CSMD1: variants seen among roughly 807,000 people sequenced by gnomAD.
The protein encoded by CSMD1 is CUB and sushi domain-containing protein 1.
In CSMD1, 213 loss-of-function variants were observed where a neutral mutation model predicts 417.5. The ratio of observed to expected loss-of-function variants is 0.51; its 90% CI spans 0.46 to 0.57. The LOEUF (loss-of-function observed/expected upper bound fraction) is 0.57. Among genes scored for constraint, CSMD1 ranks in the 20% least tolerant of loss-of-function variants. The pLI is 0.00. For synonymous variants in CSMD1, 2,862 were observed against 1,736.8 expected (o/e 1.65, Z -16.11); for missense variants, 6,923 against 4,529.7 (o/e 1.53, Z -15.17).
chr8:3,991,216 A>G (rs1452185042), intron 5 of CSMD1, among the ~76,000 whole-genome samples: 2 of 152,238 alleles, frequency 1.3e-5, no homozygotes, highest in Admixed American at 1.3e-4. Context: ...GGCATGTGAA[A>G]GAAAGCCACC....
At chr8:3,105,974 G>C (rs10503191) in intron 46 of CSMD1, among the ~76,000 whole-genome samples, 2,608 of 152,302 alleles carry the variant, frequency 0.017, 33 homozygotes, top group East Asian at 0.043. Context: ...ATTGCTGTGA[G>C]AAACATGATT....
At chr8:3,440,805 T>C (rs751544166) in intron 12 of CSMD1, among the ~76,000 whole-genome samples, 4 of 152,186 alleles carry the variant, frequency 2.6e-5, no homozygotes, top group Non-Finnish European at 5.9e-5. Context: ...TTGTAAGTGC[T>C]CTTTATCACA....
At chr8:4,916,091 G>C (rs906554911) in intron 1 of CSMD1, among the ~76,000 whole-genome samples, 21 of 152,232 alleles carry the variant, frequency 1.4e-4, no homozygotes, top group African/African-American at 4.3e-4. Flanking sequence ...TCATATGCCA[G>C]AAAGACAGGT....
chr8:4,150,031 C>T (rs572638392), intron 3 of CSMD1, among the ~76,000 whole-genome samples: 2 of 152,238 alleles, frequency 1.3e-5, no homozygotes, highest in Non-Finnish European at 2.9e-5. Context: ...CTCAACGCTG[C>T]ACGTAAAAGG....
chr8:4,773,948 C>T (rs528249499), intron 1 of CSMD1, among the ~76,000 whole-genome samples: 1 of 152,322 alleles, frequency 6.6e-6, no homozygotes, highest in South Asian at 2.1e-4. Context: ...GAAATCTCAG[C>T]ACTTTTTGAG....
intron 1 of CSMD1, among the ~76,000 whole-genome samples, chr8:4,743,631 C>G (rs548569079): frequency 6.6e-6 from 1 of 152,248 alleles, no homozygotes; most frequent in African/African-American, 2.4e-5. Context: ...TTACAAGTTG[C>G]TTTTCCAATT....
At chr8:4,605,902 C>A (rs765374839) in intron 2 of CSMD1, among the ~76,000 whole-genome samples, 4 of 152,032 alleles carry the variant, frequency 2.6e-5, no homozygotes, top group African/African-American at 9.7e-5. Flanking sequence ...GGAATGTTCC[C>A]GAGATCAATG....
intron 1 of CSMD1, among the ~76,000 whole-genome samples, chr8:4,833,459 T>C (rs1487032085): frequency 1.3e-5 from 2 of 152,174 alleles, no homozygotes; most frequent in Non-Finnish European, 2.9e-5. Context: ...ACTAGGACCC[T>C]ACCTCAGCAT....
At chr8:4,144,141 G>A (rs192958862) in intron 3 of CSMD1, among the ~76,000 whole-genome samples, 3 of 151,114 alleles carry the variant, frequency 2.0e-5, no homozygotes, top group Admixed American at 6.6e-5. Flanking sequence ...AGACCCAGAT[G>A]TTTCCCTTCT....
chr8:4,330,289 C>T (rs566537315), intron 3 of CSMD1, among the ~76,000 whole-genome samples: 37 of 144,114 alleles, frequency 2.6e-4, no homozygotes, highest in African/African-American at 9.1e-4. Flanking sequence ...CAAAGTAACA[C>T]TATATTGTCA....
intron 2 of CSMD1, among the ~76,000 whole-genome samples, chr8:4,546,801 CAT>C (rs1216310750): frequency 5.3e-5 from 8 of 151,682 alleles, no homozygotes; most frequent in Middle Eastern, 3.4e-3. Flanking sequence ...AAAATATATG[CAT>C]AGTTATATTT....
At chr8:4,354,127 A>C (rs1252950788) in intron 3 of CSMD1, among the ~76,000 whole-genome samples, 1 of 152,190 alleles carries the variant, frequency 6.6e-6, no homozygotes, top group Non-Finnish European at 1.5e-5. Flanking sequence ...AACGCGCCTG[A>C]AAGTAAATTT....
intron 12 of CSMD1, among the ~76,000 whole-genome samples, chr8:3,440,095 C>G (rs1371504609): frequency 6.6e-6 from 1 of 152,116 alleles, no homozygotes; most frequent in African/African-American, 2.4e-5. Context: ...GGTGCTTTTC[C>G]CACTCAATTT....
At chr8:4,952,702 G>A (rs1057096011) in intron 1 of CSMD1, among the ~76,000 whole-genome samples, 6 of 152,006 alleles carry the variant, frequency 3.9e-5, no homozygotes, top group African/African-American at 4.8e-5. Flanking sequence ...ACATTAAAAT[G>A]AGTATTAAAA....
At chr8:4,399,691 A>T (rs1804519786) in intron 3 of CSMD1, among the ~76,000 whole-genome samples, 1 of 151,828 alleles carries the variant, frequency 6.6e-6, no homozygotes, top group African/African-American at 2.4e-5. Context: ...TAGTACAGAA[A>T]CTCCTTTTGA....
At chr8:3,566,188 G>C (rs1395102908) in intron 10 of CSMD1, among the ~76,000 whole-genome samples, 3 of 151,882 alleles carry the variant, frequency 2.0e-5, no homozygotes. Context: ...GGAAAGGGGA[G>C]AAAAGACAAG....
chr8:3,223,373 C>T (rs1355922063), intron 28 of CSMD1, among the ~76,000 whole-genome samples: 1 of 152,166 alleles, frequency 6.6e-6, no homozygotes, highest in African/African-American at 2.4e-5. Context: ...AAGGAATTCA[C>T]TATCAGGCAT....
intron 2 of CSMD1, among the ~76,000 whole-genome samples, chr8:4,445,302 T>G (rs1455299663): frequency 1.3e-5 from 2 of 152,214 alleles, no homozygotes; most frequent in Admixed American, 1.3e-4. Flanking sequence ...TAGTTATATC[T>G]GCCTCATTAA....
intron 8 of CSMD1, among the ~76,000 whole-genome samples, chr8:3,593,814 C>T (rs1800967241): frequency 6.6e-6 from 1 of 152,078 alleles, no homozygotes; most frequent in African/African-American, 2.4e-5. Context: ...CCCATCTTTG[C>T]CATCTCTTTC....
Sources: allele counts gnomAD v4.1 joint callset (sites outside exome capture counted in the v4.1 genomes callset), GRCh38; gene constraint gnomAD v4.1.1; transcripts MANE v1.5; gene names NCBI Gene and HGNC (gene_info 2026-07-23, HGNC 2026-07-21).